The following ZNF483 variants were observed in gnomAD, a reference collection of about 807,000 sequenced individuals.
The protein encoded by ZNF483 is zinc finger protein HIT-10.
Under a neutral mutation model 28.6 loss-of-function variants are expected in ZNF483, and 9 were observed. The observed-to-expected ratio is 0.32, with a 90% CI of 0.19 to 0.55. The LOEUF (loss-of-function observed/expected upper bound fraction) is 0.55. Among genes scored for constraint, ZNF483 ranks in the 20% least tolerant of loss-of-function variants. The probability of loss-of-function intolerance (pLI) is 0.93; values close to 1 mark genes in which losing one functional copy is unlikely to be tolerated. For missense variants in ZNF483, 675 were observed against 871.7 expected, an observed-to-expected ratio of 0.77 and a Z score of 2.84; for synonymous variants, 322 against 306.2, an observed-to-expected ratio of 1.05 and a Z score of -0.54.
chr9:111,528,981 A>G (rs1423791945), intron 2 of ZNF483, among the ~76,000 whole-genome samples: 1 of 152,130 alleles, frequency 6.6e-6, no homozygotes, highest in Non-Finnish European at 1.5e-5. Context: ...CCCCGTCTCT[A>G]CAAAAATACA....
chr9:111,560,515 C>G (rs1208499972), intron 5 of ZNF483, among the ~76,000 whole-genome samples: 1 of 148,990 alleles, frequency 6.7e-6, no homozygotes, highest in Non-Finnish European at 1.5e-5. Flanking sequence ...GTGGCAGGCG[C>G]CTGTAATCTC....
rs1589278651 is a variant in ZNF483 at position 111,547,072 on chromosome 9, T to C, written c.*3902T>C. 6.6e-6 allele frequency among the ~76,000 whole-genome samples: 1 copy of C among 152,322 alleles called. No individual in the cohort carries two copies. The highest frequency in any genetic ancestry group is 2.1e-4 in the South Asian group (1 of 4,826). ...CATTTTACTTGTATACCACATTTTGTTTATCCTTTTATCTGCCAGTGAACA... is the reference window on the plus strand; with the variant it reads ...CATTTTACTTGTATACCACATTTTGCTTATCCTTTTATCTGCCAGTGAACA... On this transcript the variant is annotated 3_prime_UTR_variant, in exon 6 of 6. Transcript: ENST00000309235.
At chr9:111,525,587 C>T (rs1589263607) in intron 1 of ZNF483, among the ~76,000 whole-genome samples, 1 of 152,256 alleles carries the variant, frequency 6.6e-6, no homozygotes, top group South Asian at 2.1e-4. Flanking sequence ...ATAACAGTAC[C>T]ACCTCTCGTC....
chr9:111,531,886 G>A (rs2132226834), intron 3 of ZNF483, among the ~76,000 whole-genome samples: 1 of 152,234 alleles, frequency 6.6e-6, no homozygotes, highest in African/African-American at 2.4e-5. Flanking sequence ...GTCTTGCTGT[G>A]TTGCCCAGGC....
chr9:111,545,655 T>G lies in ZNF483; in HGVS notation c.*2485T>G, dbSNP rs539384883. 6.6e-6 allele frequency among the ~76,000 whole-genome samples: 1 copy of G among 152,300 alleles called. No individual in the cohort carries two copies. Among genetic ancestry groups the G allele is most frequent in the East Asian group, 1.9e-4 (1 of 5,188 alleles). On this transcript the variant is annotated 3_prime_UTR_variant, in exon 6 of 6. Transcript: ENST00000309235. ...GTTGTCTTTTTCTGTACATTTTATGTTATATGTGATCTTTCTGTGTTTTTT... is the reference window on the plus strand; with the variant it reads ...GTTGTCTTTTTCTGTACATTTTATGGTATATGTGATCTTTCTGTGTTTTTT...
intron 5 of ZNF483, among the ~76,000 whole-genome samples, chr9:111,569,323 G>A (rs1229876395): frequency 2.0e-5 from 3 of 152,186 alleles, no homozygotes; most frequent in Non-Finnish European, 4.4e-5. Flanking sequence ...GCAAGAGTCT[G>A]AGGAGGACCA....
intron 5 of ZNF483, chr9:111,539,703 C>T (rs368310993): frequency 1.0e-5 from 2 of 192,372 alleles, no homozygotes; most frequent in South Asian, 7.9e-5. Context: ...GCAGAGATTG[C>T]GGTGAGCCAA....
downstream of ZNF483, among the ~76,000 whole-genome samples, chr9:111,556,193 C>A (rs1050324525): frequency 1.3e-5 from 2 of 152,234 alleles, no homozygotes; most frequent in African/African-American, 2.4e-5. Flanking sequence ...CCATAATAAT[C>A]TTTGACTCCA....
rs1289322564 is a variant in ZNF483, at chr9:111,525,186, C to G, written c.-205C>G. Reference sequence around the variant, plus strand: ...AGGCGCAGTGGTTCCCGCAGGCTTGCGCGCGCACTCGCTGCGGGACAAGCT... The same window carrying G: ...AGGCGCAGTGGTTCCCGCAGGCTTGGGCGCGCACTCGCTGCGGGACAAGCT... On this transcript the variant is annotated 5_prime_UTR_variant, in exon 1 of 6. Transcript: ENST00000309235. 1 of 152,368 alleles carries G rather than the reference C, an allele frequency of 6.6e-6. No homozygotes were observed. The highest frequency in any genetic ancestry group is 2.4e-5 in the African/African-American group (1 of 41,582). The allele number at this position is 152,368 out of a possible 1,614,324, so 9.4% of individuals were successfully genotyped here.
intron 1 of ZNF483, 122 bp from the exon 2 acceptor site, chr9:111,527,146 T>A: frequency 6.1e-6 from 2 of 328,790 alleles, no homozygotes; most frequent in East Asian, 9.8e-5. Flanking sequence ...TGAGCAGGGC[T>A]TTTCTAGGCC....
intron 5 of ZNF483, among the ~76,000 whole-genome samples, chr9:111,538,851 C>G (rs1827590575): frequency 6.6e-6 from 1 of 152,004 alleles, no homozygotes; most frequent in African/African-American, 2.4e-5. Flanking sequence ...TGGTGGCTCA[C>G]CTGTAATCCC....
chr9:111,570,222 G>C (rs1165625317), intron 5 of ZNF483: 1 of 1,609,018 alleles, frequency 6.2e-7, no homozygotes, highest in Non-Finnish European at 8.5e-7. Flanking sequence ...GTGAAGAGAA[G>C]GGCACATTTG....
intron 5 of ZNF483, among the ~76,000 whole-genome samples, chr9:111,535,518 T>C (rs1827470475): frequency 6.6e-6 from 1 of 152,238 alleles, no homozygotes; most frequent in Non-Finnish European, 1.5e-5. Context: ...ACATTCATGT[T>C]AACACTGGTT....
chr9:111,574,523 AT>A, intron 5 of ZNF483: 2 of 314,502 alleles, frequency 6.4e-6, no homozygotes, highest in Non-Finnish European at 1.2e-5. Context: ...TTATTTTTGT[AT>A]TTTTTGTAGA....
intron 5 of ZNF483, among the ~76,000 whole-genome samples, chr9:111,573,054 T>C (rs1274541010): frequency 6.6e-6 from 1 of 152,192 alleles, no homozygotes; most frequent in Non-Finnish European, 1.5e-5. Flanking sequence ...GAATTCCATC[T>C]GATTAAAATG....
chr9:111,539,388 A>G, intron 5 of ZNF483: 1 of 455,064 alleles, frequency 2.2e-6, no homozygotes, highest in Non-Finnish European at 4.4e-6. Context: ...CATTTAAAGC[A>G]GTATAACCTT....
intron 5 of ZNF483, among the ~76,000 whole-genome samples, chr9:111,535,683 AC>A (rs1318810081): frequency 2.0e-5 from 3 of 152,000 alleles, no homozygotes; most frequent in African/African-American, 7.2e-5. Flanking sequence ...AGCTGGGACT[AC>A]AAGCATGTGC....
intron 5 of ZNF483, chr9:111,574,101 C>T (rs1227597834): frequency 1.3e-5 from 2 of 152,230 alleles, no homozygotes; most frequent in South Asian, 2.1e-4. Flanking sequence ...CTCGCACCTC[C>T]AGCAATGTCT....
intron 5 of ZNF483, chr9:111,539,519 T>A (rs573463639): frequency 2.0e-4 from 91 of 451,930 alleles, no homozygotes; most frequent in African/African-American, 1.8e-3. Flanking sequence ...ATCCCAGCAC[T>A]TTGGGAGGCC....
Sources: gnomAD v4.1 joint callset for allele counts (sites outside exome capture counted in the v4.1 genomes callset) on GRCh38, gnomAD v4.1.1 for gene constraint, MANE v1.5 for transcripts, NCBI Gene and HGNC (gene_info 2026-07-23, HGNC 2026-07-21) for gene names.